The following STAG2 variants were observed in gnomAD, a reference collection of about 807,000 sequenced individuals.
STAG2 encodes the protein cohesin subunit SA-2.
Under a neutral mutation model 108.1 loss-of-function variants are expected in STAG2, and 14 were observed. The observed-to-expected ratio is 0.13, with a 90% CI of 0.09 to 0.20. The LOEUF is 0.20. STAG2 is among the 10% of genes least tolerant of loss of function. The probability of loss-of-function intolerance (pLI) is 1.00; values close to 1 mark genes in which losing one functional copy is unlikely to be tolerated. For missense variants in STAG2, 440 were observed against 940.9 expected (o/e 0.47, Z 6.96); for synonymous variants, 307 against 302.7 (o/e 1.01, Z -0.15).
intron 34 of STAG2, 21 bp downstream of exon 34, chrX:124,095,470 C>T: frequency 1.3e-5 from 15 of 1,151,211 alleles, no homozygotes; most frequent in Non-Finnish European, 1.8e-5. Flanking sequence ...TTTAAATGTA[C>T]CCTAGGATTG....
intron 1 of STAG2, among the ~76,000 whole-genome samples, chrX:123,982,920 C>CA (rs1394337449): frequency 2.0e-4 from 22 of 110,690 alleles, no homozygotes; most frequent in Non-Finnish European, 4.0e-4. Flanking sequence ...ATCACGCTGT[C>CA]AGTCAGCATG....
At chrX:124,040,601 CG>C (rs2057679640) in intron 6 of STAG2, among the ~76,000 whole-genome samples, 1 of 108,630 alleles carries the variant, frequency 9.2e-6, no homozygotes, top group African/African-American at 3.3e-5. Flanking sequence ...GTTTATGAGA[CG>C]GGGAGGAGCT....
intron 4 of STAG2, among the ~76,000 whole-genome samples, chrX:124,027,026 A>C (rs956808973): frequency 9.0e-6 from 1 of 111,592 alleles, no homozygotes; most frequent in Non-Finnish European, 1.9e-5. Context: ...CAGCCTCTCG[A>C]CTGGACTACA....
intron 4 of STAG2, 48 bp downstream of exon 4, chrX:124,025,966 A>G (rs759280099): frequency 1.1e-6 from 1 of 934,731 alleles, no homozygotes; most frequent in South Asian, 2.3e-5. Context: ...GATCTCACAC[A>G]CACACAGATT....
chrX:124,026,913 G>A (rs2057123435), intron 4 of STAG2, among the ~76,000 whole-genome samples: 1 of 109,997 alleles, frequency 9.1e-6, no homozygotes, highest in African/African-American at 3.3e-5. Context: ...TTTGGAGATG[G>A]GGTCTCTCTA....
At chrX:124,064,695 C>T (rs923925141) in intron 20 of STAG2, among the ~76,000 whole-genome samples, 1 of 111,069 alleles carries the variant, frequency 9.0e-6, no homozygotes, top group Non-Finnish European at 1.9e-5. Context: ...CCACTCACCT[C>T]GGCCTTGCAA....
At chrX:124,020,145 A>G (rs907120045) in intron 1 of STAG2, among the ~76,000 whole-genome samples, 1 of 112,580 alleles carries the variant, frequency 8.9e-6, no homozygotes, top group South Asian at 3.6e-4. Context: ...TGTGCTATTT[A>G]GAAGAATCCA....
At chrX:124,070,055 T>C (rs2058628076) in intron 24 of STAG2, among the ~76,000 whole-genome samples, 1 of 111,637 alleles carries the variant, frequency 9.0e-6, no homozygotes, top group Non-Finnish European at 1.9e-5. Context: ...AATCCCTTGC[T>C]CAGGCCATAG....
At chrX:124,094,214 A>G (rs1323121937) in intron 33 of STAG2, 70 bp downstream of exon 33, 1 of 1,064,914 alleles carries the variant, frequency 9.4e-7, no homozygotes, top group South Asian at 2.1e-5. Flanking sequence ...GATATTTATT[A>G]GAGTAGAGAA....
In STAG2 at chrX:124,055,632, G is replaced by C. The variant is rs1199917629; in HGVS notation, c.1197-496G>C. Among the ~76,000 whole-genome samples the C allele has an allele frequency of 5.3e-5, 6 of 112,331 alleles. No homozygotes were observed. In the East Asian group the frequency reaches 1.7e-3, roughly 31 times the overall value. On this transcript the variant is annotated intron_variant, in intron 13 of 34. Coordinates refer to ENST00000371145, the MANE Select transcript of STAG2 (RefSeq NM_001042750.2). ...AAAGATCTTTGGCACTTAGATTTTA[G>C]TTATTTGGGAAAACCACTTGCATTG...
chrX:124,040,729 T>G (rs1457904001), intron 6 of STAG2, among the ~76,000 whole-genome samples: 2 of 109,638 alleles, frequency 1.8e-5, no homozygotes, highest in Non-Finnish European at 3.8e-5. Flanking sequence ...TTCTCTAGCA[T>G]TCCCAGGTAT....
intron 1 of STAG2, among the ~76,000 whole-genome samples, chrX:123,988,556 A>G (rs994901635): frequency 6.3e-5 from 7 of 111,697 alleles, no homozygotes; most frequent in Admixed American, 1.9e-4. Context: ...TGTCTTGTCA[A>G]TCAGCAAAGC....
intron 1 of STAG2, among the ~76,000 whole-genome samples, chrX:123,967,531 T>G (rs1218851999): frequency 1.8e-5 from 2 of 111,143 alleles, no homozygotes; most frequent in Non-Finnish European, 3.8e-5. Context: ...CTTCCAAAGT[T>G]CTGGGATTAC....
At chrX:124,072,379 A>C (rs1236652199) in intron 25 of STAG2, among the ~76,000 whole-genome samples, 1 of 112,169 alleles carries the variant, frequency 8.9e-6, no homozygotes, top group African/African-American at 3.2e-5. Flanking sequence ...TATGGCATGT[A>C]GCTTACTTTT....
chrX:124,092,182 G>GTA (rs2059266422), intron 32 of STAG2, among the ~76,000 whole-genome samples: 1 of 111,236 alleles, frequency 9.0e-6, no homozygotes, highest in Non-Finnish European at 1.9e-5. Context: ...CATTTACTAT[G>GTA]AGTGGTGGCC....
intron 1 of STAG2, among the ~76,000 whole-genome samples, chrX:123,987,595 G>T (rs1235183601): frequency 8.9e-6 from 1 of 111,994 alleles, no homozygotes; most frequent in Non-Finnish European, 1.9e-5. Context: ...TCCCAGGCTA[G>T]ACATCTATCA....
chrX:123,989,753 G>A (rs746648273), intron 1 of STAG2, among the ~76,000 whole-genome samples: 61 of 108,697 alleles, frequency 5.6e-4, no homozygotes, highest in African/African-American at 1.3e-3. Context: ...ACAGGCGCCC[G>A]CCACCATGCC....
At chrX:124,020,103 A>G (rs1440866343) in intron 1 of STAG2, among the ~76,000 whole-genome samples, 2 of 112,666 alleles carry the variant, frequency 1.8e-5, no homozygotes, top group Non-Finnish European at 3.8e-5. Context: ...TGGCCTGGGA[A>G]TGCTTCTTTC....
chrX:124,060,048 C>CT (rs1482897319), intron 15 of STAG2, among the ~76,000 whole-genome samples: 2 of 111,528 alleles, frequency 1.8e-5, no homozygotes, highest in South Asian at 3.7e-4. Flanking sequence ...GCTTTGACAG[C>CT]TTTTTTTTGT....
Sources: gnomAD v4.1 joint callset for allele counts (sites outside exome capture counted in the v4.1 genomes callset) on GRCh38, gnomAD v4.1.1 for gene constraint, MANE v1.5 for transcripts, NCBI Gene and HGNC (gene_info 2026-07-23, HGNC 2026-07-21) for gene names.